CPVL: variants seen among roughly 807,000 people sequenced by gnomAD.
CPVL encodes carboxypeptidase vitellogenic like, also known as probable serine carboxypeptidase CPVL.
In CPVL, 51 loss-of-function variants were observed where a neutral mutation model predicts 63.7. That is an observed-to-expected ratio of 0.80 (90% CI 0.64 to 1.01). The LOEUF (loss-of-function observed/expected upper bound fraction) is 1.01. CPVL is among the 50% of genes least tolerant of loss of function. CPVL has a pLI of 0.00. For synonymous variants in CPVL, 195 were observed against 206.0 expected (o/e 0.95, Z 0.46); for missense variants, 530 against 573.1 (o/e 0.92, Z 0.77).
At chr7:29,168,361 TG>T (rs1796173493) in intron 5 of CPVL, among the ~76,000 whole-genome samples, 1 of 152,240 alleles carries the variant, frequency 6.6e-6, no homozygotes, top group African/African-American at 2.4e-5. Flanking sequence ...TTTCTTTTAA[TG>T]GTTCTTAAAT....
intron 3 of CPVL, among the ~76,000 whole-genome samples, chr7:29,111,227 A>T (rs979880055): frequency 2.0e-5 from 3 of 152,276 alleles, no homozygotes; most frequent in Non-Finnish European, 4.4e-5. Flanking sequence ...GATATAAAAA[A>T]TGCACACATA....
intron 3 of CPVL, among the ~76,000 whole-genome samples, chr7:29,097,816 G>A (rs1328559365): frequency 1.3e-5 from 2 of 152,204 alleles, no homozygotes; most frequent in African/African-American, 4.8e-5. Flanking sequence ...TGAGGTCTGA[G>A]CGCTGCCCTG....
chr7:29,063,626 A>C (rs1265507982), intron 11 of CPVL, among the ~76,000 whole-genome samples: 2 of 152,096 alleles, frequency 1.3e-5, no homozygotes, highest in Non-Finnish European at 2.9e-5. Context: ...GCTGGAGTGC[A>C]ATGTTGCGAT....
chr7:29,066,891 G>C (rs1267119949), intron 9 of CPVL, among the ~76,000 whole-genome samples: 1 of 152,190 alleles, frequency 6.6e-6, no homozygotes, highest in East Asian at 1.9e-4. Flanking sequence ...CCAGGGCTGT[G>C]GTTCAGCCAA....
At chr7:29,038,152 T>C (rs1198008135) in intron 11 of CPVL, among the ~76,000 whole-genome samples, 1 of 152,208 alleles carries the variant, frequency 6.6e-6, no homozygotes, top group African/African-American at 2.4e-5. Flanking sequence ...TTTTTCCATT[T>C]AGATGCCAGT....
chr7:29,027,334 C>T (rs1787594228), intron 12 of CPVL, among the ~76,000 whole-genome samples: 1 of 152,028 alleles, frequency 6.6e-6, no homozygotes, highest in South Asian at 2.1e-4. Context: ...AAGGAACATA[C>T]CATAACGTAA....
intron 5 of CPVL, among the ~76,000 whole-genome samples, chr7:29,173,453 C>A (rs1796874082): frequency 6.6e-6 from 1 of 151,934 alleles, no homozygotes. Flanking sequence ...AGAATGTCAC[C>A]CCCATCCTAA....
chr7:29,086,566 C>A lies in CPVL; in HGVS notation c.543-16G>T. 3.2e-6 allele frequency: 5 copies of A among 1,543,150 alleles called. No individual in the cohort carries two copies. Among genetic ancestry groups the A allele is most frequent in the Non-Finnish European group, 4.5e-6 (5 of 1,116,036 alleles). ...AATTAGTGCACTGCAAAAAGAAGAA[C>A]AAGAACAACACAAATTAATCAGAAA... On this transcript the variant is annotated splice_polypyrimidine_tract_variant and intron_variant, in intron 6 of 12. Transcript: ENST00000265394.
chr7:29,132,713 T>G (rs1445734370), intron 1 of CPVL, among the ~76,000 whole-genome samples: 1 of 152,178 alleles, frequency 6.6e-6, no homozygotes, highest in Non-Finnish European at 1.5e-5. Flanking sequence ...TTCTTTCTTA[T>G]TTCTCAATTT....
chr7:29,139,330 C>T (rs1791596144), intron 1 of CPVL, among the ~76,000 whole-genome samples: 1 of 152,066 alleles, frequency 6.6e-6, no homozygotes, highest in Non-Finnish European at 1.5e-5. Flanking sequence ...TCCCAAAATC[C>T]CTTTCAGCTT....
At position 29,138,625 on chromosome 7, in the gene CPVL, A is replaced by C. The variant is rs140856951; in HGVS notation, c.-11+7804T>G. Among the ~76,000 whole-genome samples the C allele has an allele frequency of 4.8e-3, 727 of 152,250 alleles. 5 individuals are homozygous for C. The highest frequency in any genetic ancestry group is 0.017 in the African/African-American group (701 of 41,552). On this transcript the variant is annotated intron_variant, in intron 1 of 12. Transcript: ENST00000265394. Reference sequence around the variant, plus strand: ...ACCCAGATCCCTGGGAGTGAAAATCAGCTCTGCTGCTAATCAGTCTAAGAT... The same window carrying C: ...ACCCAGATCCCTGGGAGTGAAAATCCGCTCTGCTGCTAATCAGTCTAAGAT...
chr7:29,169,054 AG>A (rs975242890), intron 5 of CPVL, among the ~76,000 whole-genome samples: 1 of 152,228 alleles, frequency 6.6e-6, no homozygotes, highest in African/African-American at 2.4e-5. Flanking sequence ...TGATTTTCAT[AG>A]GCAATTCTAA....
chr7:29,071,716 C>CCCCCCCCCCCCCCCCCCT, intron 9 of CPVL, 57 bp downstream of exon 9: 1 of 833,398 alleles, frequency 1.2e-6, no homozygotes, highest in Non-Finnish European at 1.8e-6. Context: ...CTCACCCGCC[C>CCCCCCCCCCCCCCCCCCT]TCCCTCCCCA....
intron 5 of CPVL, among the ~76,000 whole-genome samples, chr7:29,162,342 C>T (rs1340415430): frequency 2.0e-5 from 3 of 152,114 alleles, no homozygotes; most frequent in African/African-American, 7.2e-5. Context: ...ACTACTGATA[C>T]ATGAAACAGC....
chr7:29,146,877 T>G (rs140083937), upstream of CPVL: 2,307 of 1,551,188 alleles, frequency 1.5e-3, 3 homozygotes, highest in Non-Finnish European at 1.8e-3. Context: ...GGATTTACAT[T>G]TGGAAAGCGA....
intron 12 of CPVL, among the ~76,000 whole-genome samples, chr7:29,026,209 C>T (rs1787476985): frequency 6.6e-6 from 1 of 151,958 alleles, no homozygotes; most frequent in Non-Finnish European, 1.5e-5. Context: ...AAAACATGCT[C>T]CTGAATGACC....
intron 2 of CPVL, among the ~76,000 whole-genome samples, chr7:29,119,856 C>T (rs1181949734): frequency 1.3e-5 from 2 of 152,178 alleles, no homozygotes; most frequent in African/African-American, 4.8e-5. Flanking sequence ...GCTAGTAGCT[C>T]AATCTCTTTC....
At chr7:29,073,289 CA>C (rs766785553) in intron 7 of CPVL, among the ~76,000 whole-genome samples, 279 of 152,314 alleles carry the variant, frequency 1.8e-3, no homozygotes, top group Admixed American at 4.4e-3. Context: ...GTCAATCAGC[CA>C]AGCTTGTCAG....
chr7:29,100,888 CATAAA>C (rs1787048785), intron 3 of CPVL, among the ~76,000 whole-genome samples: 1 of 152,178 alleles, frequency 6.6e-6, no homozygotes, highest in African/African-American at 2.4e-5. Flanking sequence ...TGTAATAAAA[CATAAA>C]AGTCAGATCT....
Sources: gnomAD v4.1 joint callset for allele counts (sites outside exome capture counted in the v4.1 genomes callset) on GRCh38, gnomAD v4.1.1 for gene constraint, MANE v1.5 for transcripts, NCBI Gene and HGNC (gene_info 2026-07-23, HGNC 2026-07-21) for gene names.